Variants in TRIM71 observed in about 807,000 individuals in gnomAD.
TRIM71 encodes E3 ubiquitin-protein ligase TRIM71.
TRIM71 carries 9 observed loss-of-function variants against 61.2 expected under a neutral mutation model. That is an observed-to-expected ratio of 0.15 (90% CI 0.09 to 0.26). TRIM71 has a LOEUF of 0.26. Ranked by LOEUF, TRIM71 falls within the 10% of genes least tolerant of loss-of-function variation. The pLI is 1.00. For missense variants in TRIM71, 998 were observed against 1,238.7 expected (o/e 0.81, Z 2.92); for synonymous variants, 645 against 553.2 (o/e 1.17, Z -2.33).
intron 1 of TRIM71, among the ~76,000 whole-genome samples, chr3:32,847,731 A>G (rs1201828996): frequency 2.0e-5 from 3 of 152,212 alleles, no homozygotes; most frequent in Non-Finnish European, 4.4e-5. Flanking sequence ...TGTGCTGACA[A>G]GCAGAGATTC....
intron 1 of TRIM71, among the ~76,000 whole-genome samples, chr3:32,820,069 G>A (rs73827052): frequency 1.3e-3 from 194 of 152,346 alleles, no homozygotes; most frequent in African/African-American, 4.5e-3. Context: ...TTGCCGAGGG[G>A]GTCGGTAACT....
At chr3:32,854,575 G>A (rs116340146) in intron 1 of TRIM71, among the ~76,000 whole-genome samples, 3 of 152,224 alleles carry the variant, frequency 2.0e-5, no homozygotes, top group Non-Finnish European at 2.9e-5. Flanking sequence ...TTTGAATATC[G>A]TCTTCATTCC....
intron 1 of TRIM71, among the ~76,000 whole-genome samples, chr3:32,840,336 A>C (rs191475525): frequency 2.6e-5 from 4 of 151,684 alleles, no homozygotes; most frequent in African/African-American, 2.4e-5. Flanking sequence ...CAAACCCCGC[A>C]TTCTGTGCTT....
chr3:32,821,480 G>A (rs74821845), intron 1 of TRIM71, among the ~76,000 whole-genome samples: 3 of 151,998 alleles, frequency 2.0e-5, no homozygotes, highest in Admixed American at 1.3e-4. Flanking sequence ...CTTGTAAAAT[G>A]CCTTCTTAGG....
At position 32,888,391 on chromosome 3, in the gene TRIM71, G is replaced by A. The variant is rs1277603478; in HGVS notation, c.1156-1969G>A. Among the ~76,000 whole-genome samples, 3 of 131,028 alleles carry A rather than the reference G, an allele frequency of 2.3e-5. No homozygotes were observed. In the East Asian group the frequency reaches 7.7e-4, roughly 34 times the overall value. The allele number at this position is 131,028 out of a possible 152,430, so 86.0% of individuals were successfully genotyped here. A position where few individuals can be genotyped will look rare whatever the true frequency, so the allele number is the denominator to read the frequency against. Reference sequence around the variant, plus strand: ...AGGTGGGAAGATTGCTTGAGTCCAGGATTTTGAGGCCACCCGTGGCAACAT... The same window carrying A: ...AGGTGGGAAGATTGCTTGAGTCCAGAATTTTGAGGCCACCCGTGGCAACAT... On this transcript the variant is annotated intron_variant, in intron 3 of 3. Transcript: ENST00000383763.
intron 1 of TRIM71, among the ~76,000 whole-genome samples, chr3:32,819,562 C>T (rs951513205): frequency 2.0e-4 from 30 of 152,242 alleles, no homozygotes; most frequent in Non-Finnish European, 3.5e-4. Context: ...CTTTGAGGGC[C>T]AAGGGCCCCC....
rs2125694143 is a variant in TRIM71 at position 32,892,793 on chromosome 3, A to T, written c.*982A>T. The T allele has an allele frequency of 6.6e-6, 1 of 152,308 alleles. No individual in the cohort carries two copies. The allele number at this position is 152,308 out of a possible 1,614,324, so 9.4% of individuals were successfully genotyped here. ...TTAAATGGAAGGAAAAAGGAAATTA[A>T]CCTCGTTCTCAGAGAGAGGGTTTTC... On this transcript the variant is annotated 3_prime_UTR_variant, in exon 4 of 4. Coordinates refer to ENST00000383763, the MANE Select transcript of TRIM71 (RefSeq NM_001039111.3).
Position 32,890,603 on chromosome 3 carries a change from G to C in TRIM71, c.1399G>C (p.Ala467Pro), listed in dbSNP as rs150682719. The change falls in exon 4 of 4, where the codon GCA becomes CCA. Residue 467 changes from alanine (A) to proline (P), a missense_variant. Around this residue, in one of 5 missense-constraint regions of TRIM71, gnomAD observed 291 missense variants for 431.2 expected, o/e 0.67. Transcript: ENST00000383763. This position sits in a 1 kb window ranked among gnomAD's most constrained non-coding sequence, Gnocchi z 6.2. ...DRVMFTPPDQALYLAIKSFGF... is the reference protein window; with the variant it reads ...DRVMFTPPDQPLYLAIKSFGF... ...AGTCATGTTCACACCCCCCGATCAG[G>C]CACTGTACCTTGCCATCAAGTCTTT... 2 of 1,613,938 alleles carry C rather than the reference G, an allele frequency of 1.2e-6. No homozygotes were observed. The highest frequency in any genetic ancestry group is 1.7e-6 in the Non-Finnish European group (2 of 1,180,034).
chr3:32,851,136 G>GTT (rs1387955489), intron 1 of TRIM71, among the ~76,000 whole-genome samples: 1 of 152,092 alleles, frequency 6.6e-6, no homozygotes, highest in Non-Finnish European at 1.5e-5. Context: ...AAAACCTTGT[G>GTT]TTTCTCGGGC....
intron 2 of TRIM71, among the ~76,000 whole-genome samples, chr3:32,876,415 C>T (rs956836619): frequency 6.6e-6 from 1 of 152,156 alleles, no homozygotes; most frequent in Non-Finnish European, 1.5e-5. Context: ...GAAACCCCGT[C>T]TCTACTAAAA....
Position 32,894,237 on chromosome 3 carries a change from A to G in TRIM71, c.*2426A>G, listed in dbSNP as rs1010363115. The G allele has an allele frequency of 6.6e-6, 1 of 152,048 alleles. No homozygotes were observed. Among genetic ancestry groups the G allele is most frequent in the African/African-American group, 2.4e-5 (1 of 41,398 alleles). 9.4% of individuals were successfully genotyped at this position (152,048 alleles called of 1,614,324 possible). A position where few individuals can be genotyped will look rare whatever the true frequency, so the allele number is the denominator to read the frequency against. ...GCTTGAAAAAAATTTTATTGAGGAG[A>G]TGGATCTTGATTAAAATCTTTTCAT... is the stretch of plus-strand genomic sequence containing the variant. On this transcript the variant is annotated 3_prime_UTR_variant, in exon 4 of 4. Coordinates refer to ENST00000383763, the MANE Select transcript of TRIM71 (RefSeq NM_001039111.3).
At chr3:32,856,354 C>T (rs1264623079) in intron 1 of TRIM71, among the ~76,000 whole-genome samples, 3 of 151,988 alleles carry the variant, frequency 2.0e-5, no homozygotes, top group Non-Finnish European at 4.4e-5. Flanking sequence ...TTCACCGCTC[C>T]CCTGCCCCCC....
Position 32,818,205 on chromosome 3 carries a change from C to CGGG in TRIM71, c.129_131dup (p.Gly48dup), listed in dbSNP as rs781584492. On this transcript the variant is annotated inframe_insertion, in exon 1 of 4. Transcript: ENST00000383763. ...TCCTCCTCGCAGACGTCCACGTCGT[C>CGGG]GGGGGGCGGCGGCGGGGGCCCTGGG... 3.1e-5 allele frequency: 48 copies of CGGG among 1,560,548 alleles called. No individual in the cohort carries two copies. The highest frequency in any genetic ancestry group is 3.7e-5 in the Non-Finnish European group (43 of 1,158,878).
intron 1 of TRIM71, among the ~76,000 whole-genome samples, chr3:32,825,905 TCA>T (rs1206417814): frequency 6.6e-6 from 1 of 152,130 alleles, no homozygotes; most frequent in East Asian, 1.9e-4. Flanking sequence ...TTGTCTATAC[TCA>T]CAAACTGAGT....
At chr3:32,847,378 TAGAG>T (rs1416090561) in intron 1 of TRIM71, among the ~76,000 whole-genome samples, 2 of 152,082 alleles carry the variant, frequency 1.3e-5, no homozygotes, top group Non-Finnish European at 2.9e-5. Flanking sequence ...GTATTTTTAG[TAGAG>T]AGAGGTTTCT....
At chr3:32,825,604 C>T (rs1050402637) in intron 1 of TRIM71, among the ~76,000 whole-genome samples, 1 of 152,152 alleles carries the variant, frequency 6.6e-6, no homozygotes, top group East Asian at 1.9e-4. Context: ...CTGCTTCCCC[C>T]CTTCTCCCAC....
intron 1 of TRIM71, among the ~76,000 whole-genome samples, chr3:32,851,175 T>C (rs1696534837): frequency 6.6e-6 from 1 of 152,230 alleles, no homozygotes; most frequent in South Asian, 2.1e-4. Flanking sequence ...TTCTTTTTGA[T>C]AAGCCTTACG....
Position 32,818,302 on chromosome 3 carries a change from G to C in TRIM71, c.222G>C (p.Arg74=). ...GCCGCCCCTGCCTCGAGGCGCACCG[G>C]CTGCCGGCGGCGGGCGGCGGCGCGG... The part of the protein sequence containing the change: ...AFCRPCLEAH[R]LPAAGGGAAG... The change falls in exon 1 of 4, where the codon CGG becomes CGC. Residue 74 remains arginine, a synonymous_variant. Transcript: ENST00000383763. 2 of 1,433,534 alleles carry C rather than the reference G, an allele frequency of 1.4e-6. No individual in the cohort carries two copies. The highest frequency in any genetic ancestry group is 1.8e-6 in the Non-Finnish European group (2 of 1,099,396). The allele number at this position is 1,433,534 out of a possible 1,614,324, so 88.8% of individuals were successfully genotyped here.
chr3:32,838,847 TTG>T (rs1696370658), intron 1 of TRIM71, among the ~76,000 whole-genome samples: 3 of 152,158 alleles, frequency 2.0e-5, no homozygotes, highest in Admixed American at 2.0e-4. Context: ...GTCACCCAAG[TTG>T]GAGTGCAGTG....
Sources: gnomAD v4.1 joint callset for allele counts (sites outside exome capture counted in the v4.1 genomes callset) on GRCh38, gnomAD v4.1.1 for gene constraint, gnomAD v4.1.1 regional missense constraint, Gnocchi (gnomAD v3.1) non-coding constraint, MANE v1.5 for transcripts, NCBI Gene and HGNC (gene_info 2026-07-23, HGNC 2026-07-21) for gene names.